Variants in FMN2 observed in about 807,000 individuals in gnomAD.
The protein encoded by FMN2 is formin 2.
In FMN2, 51 loss-of-function variants were observed where a neutral mutation model predicts 142.3. The ratio of observed to expected loss-of-function variants is 0.36; its 90% CI spans 0.29 to 0.45. The LOEUF is 0.45. Among genes scored for constraint, FMN2 ranks in the 20% least tolerant of loss-of-function variants. FMN2 has a pLI of 1.00. For missense variants in FMN2, 1,936 were observed against 2,122.8 expected (o/e 0.91, Z 1.73); for synonymous variants, 882 against 869.8 (o/e 1.01, Z -0.25).
At chr1:240,095,801 T>G (rs1558292491) in intron 1 of FMN2, among the ~76,000 whole-genome samples, 2 of 152,114 alleles carry the variant, frequency 1.3e-5, no homozygotes, top group Non-Finnish European at 2.9e-5. Flanking sequence ...TATTCCCAAA[T>G]TTGAAATTTG....
intron 2 of FMN2, among the ~76,000 whole-genome samples, chr1:240,148,870 G>A (rs1663635630): frequency 6.6e-6 from 1 of 152,114 alleles, no homozygotes; most frequent in African/African-American, 2.4e-5. Flanking sequence ...TACTCAGGAG[G>A]CTGAGGCAGG....
chr1:240,167,006 C>A (rs1664507480), intron 2 of FMN2, among the ~76,000 whole-genome samples: 1 of 152,156 alleles, frequency 6.6e-6, no homozygotes, highest in Non-Finnish European at 1.5e-5. Context: ...CCTGTAATCC[C>A]AGCTACTTGG....
chr1:240,414,395 C>T (rs1572283156), intron 15 of FMN2, among the ~76,000 whole-genome samples: 1 of 152,108 alleles, frequency 6.6e-6, no homozygotes, highest in East Asian at 1.9e-4. Flanking sequence ...TTGTGGAGTG[C>T]GGTAGCACAG....
At chr1:240,337,670 A>C (rs1671610591) in intron 13 of FMN2, among the ~76,000 whole-genome samples, 1 of 152,210 alleles carries the variant, frequency 6.6e-6, no homozygotes, top group Non-Finnish European at 1.5e-5. Flanking sequence ...TAGTTTGATA[A>C]AGACAGTTAA....
intron 2 of FMN2, among the ~76,000 whole-genome samples, chr1:240,152,808 A>G (rs905113175): frequency 2.1e-4 from 32 of 152,212 alleles, no homozygotes; most frequent in Non-Finnish European, 5.9e-5. Flanking sequence ...TGGAGTGTCT[A>G]TTTTGCAAGT....
At chr1:240,427,170 T>TA (rs1674971890) in intron 15 of FMN2, among the ~76,000 whole-genome samples, 1 of 62,278 alleles carries the variant, frequency 1.6e-5, no homozygotes, top group Non-Finnish European at 3.7e-5. Context: ...TACAACTGAT[T>TA]TTATATATAT....
chr1:240,126,586 G>T (rs1244791605), intron 2 of FMN2, among the ~76,000 whole-genome samples: 1 of 152,020 alleles, frequency 6.6e-6, no homozygotes, highest in African/African-American at 2.4e-5. Context: ...TTGCTTTATC[G>T]AGTGTTATAG....
intron 15 of FMN2, among the ~76,000 whole-genome samples, chr1:240,437,292 C>CTTTT (rs10649766): frequency 0.033 from 3,882 of 117,240 alleles, 307 homozygotes; most frequent in African/African-American, 0.13. Flanking sequence ...GCATCTCTTG[C>CTTTT]TTTTTTTTTT....
chr1:240,397,164 A>G (rs71646900), intron 15 of FMN2, among the ~76,000 whole-genome samples: 3,795 of 152,276 alleles, frequency 0.025, 69 homozygotes, highest in Non-Finnish European at 0.035. Context: ...GGTGTGAGAT[A>G]GTATCCCATG....
At chr1:240,166,250 A>G (rs924151224) in intron 2 of FMN2, among the ~76,000 whole-genome samples, 3 of 151,066 alleles carry the variant, frequency 2.0e-5, no homozygotes, top group Admixed American at 2.0e-4. Flanking sequence ...TTTTTTGGAG[A>G]CAGAGTTTCG....
intron 3 of FMN2, chr1:240,180,071 T>C (rs1435055783): frequency 1.6e-6 from 1 of 626,388 alleles, no homozygotes; most frequent in East Asian, 7.7e-5. Flanking sequence ...GTTTGTCACC[T>C]GGTTTTTGCT....
chr1:240,233,116 C>T (rs1667583876), intron 6 of FMN2, among the ~76,000 whole-genome samples: 1 of 152,100 alleles, frequency 6.6e-6, no homozygotes, highest in African/African-American at 2.4e-5. Flanking sequence ...CTTGGTGGCT[C>T]ACTCCTGTAA....
At chr1:240,142,719 G>C (rs988540733) in intron 2 of FMN2, 88 of 1,610,920 alleles carry the variant, frequency 5.5e-5, no homozygotes, top group Middle Eastern at 2.2e-4. Context: ...TTCCAGAATG[G>C]GGGTAACAGG....
chr1:240,229,498 A>C lies in FMN2; in HGVS notation c.4065+18263A>C, dbSNP rs191561411. Among the ~76,000 whole-genome samples, 410 of 152,286 alleles carry C rather than the reference A, an allele frequency of 2.7e-3. 3 individuals are homozygous for C. In the South Asian group the frequency reaches 0.027, roughly 10 times the overall value. On this transcript the variant is annotated intron_variant, in intron 6 of 17. Coordinates refer to ENST00000319653, the MANE Select transcript of FMN2 (RefSeq NM_020066.5). ...TGGTGACAGTTAATGATGCCTCCCT[A>C]GAAGAGTCAGGACTTAATATGCTGC...
At position 240,254,087 on chromosome 1, in the gene FMN2, G is replaced by C. The variant is rs1350780358; in HGVS notation, c.4066-3858G>C. Among the ~76,000 whole-genome samples the C allele has an allele frequency of 3.3e-5, 5 of 152,254 alleles. No homozygotes were observed. The South Asian group carries it at 8.3e-4, about 25-fold the overall frequency. The stretch of plus-strand genomic sequence containing the variant: ...TTCAGTCAGGCCAGTTGGACCTCCA[G>C]GTGGCTTGCTTGGGTGCCAGCAGTG... On this transcript the variant is annotated intron_variant, in intron 6 of 17. Coordinates refer to ENST00000319653, the MANE Select transcript of FMN2 (RefSeq NM_020066.5).
At chr1:240,103,515 A>G (rs1303880201) in intron 1 of FMN2, among the ~76,000 whole-genome samples, 1 of 152,206 alleles carries the variant, frequency 6.6e-6, no homozygotes, top group Non-Finnish European at 1.5e-5. Context: ...TTCCCAAACA[A>G]GGCATTGCCG....
intron 7 of FMN2, among the ~76,000 whole-genome samples, chr1:240,290,793 G>GTTTTTTTTTTTTTTTTTT (rs761547443): frequency 3.5e-5 from 3 of 84,726 alleles, no homozygotes; most frequent in African/African-American, 1.4e-4. Flanking sequence ...TTTTTTTTTT[G>GTTTTTTTTTTTTTTTTTT]TTTTTTTTTT....
rs1244219142 is a variant in FMN2, at chr1:240,092,986, C to T, written c.877C>T (p.Pro293Ser). The change falls in exon 1 of 18, where the codon CCG (proline) becomes TCG (serine). Residue 293 changes from proline to serine, a missense_variant. Coordinates refer to ENST00000319653, the MANE Select transcript of FMN2 (RefSeq NM_020066.5). ...CGCCGAGCCCCGGGAGCCCCAGCAA[C>T]CGCCGTCCCCCGGCGGCCTCCCGGT... ...LAAEPREPQQ[P>S]PSPGGLPVSE... The T allele has an allele frequency of 2.1e-6, 3 of 1,402,640 alleles. No individual in the cohort carries two copies. Among genetic ancestry groups the T allele is most frequent in the Non-Finnish European group, 2.8e-6 (3 of 1,087,758 alleles). 86.9% of individuals were successfully genotyped at this position (1,402,640 alleles called of 1,614,324 possible).
At chr1:240,454,189 T>TTC (rs34042032) in intron 16 of FMN2, among the ~76,000 whole-genome samples, 113,121 of 151,886 alleles carry the variant, frequency 0.74, 42,302 homozygotes, top group Middle Eastern at 0.81. Flanking sequence ...TCATGGCGTT[T>TTC]TCTCTTTTTT....
Sources: allele counts gnomAD v4.1 joint callset (sites outside exome capture counted in the v4.1 genomes callset), GRCh38; gene constraint gnomAD v4.1.1; transcripts MANE v1.5; gene names NCBI Gene and HGNC (gene_info 2026-07-23, HGNC 2026-07-21).